Variants in PIK3C2B observed in about 807,000 individuals in gnomAD.
PIK3C2B encodes the protein phosphatidylinositol 4-phosphate 3-kinase C2 domain-containing subunit beta.
Under a neutral mutation model 184.3 loss-of-function variants are expected in PIK3C2B, and 83 were observed. The observed-to-expected ratio is 0.45, with a 90% CI of 0.38 to 0.54. The LOEUF (loss-of-function observed/expected upper bound fraction) is 0.54, where lower values mean the gene tolerates loss of function less well. PIK3C2B is among the 20% of genes least tolerant of loss of function. The pLI is 0.00. For synonymous variants in PIK3C2B, 779 were observed against 837.6 expected (o/e 0.93, Z 1.21); for missense variants, 1,736 against 2,113.5 (o/e 0.82, Z 3.50).
At chr1:204,485,576 C>CTT (rs11407141) in intron 1 of PIK3C2B, among the ~76,000 whole-genome samples, 2,881 of 140,402 alleles carry the variant, frequency 0.021, 42 homozygotes, top group South Asian at 0.03. Context: ...GTCATTCTTC[C>CTT]TTTTTTTTTT....
chr1:204,480,627 T>C (rs1657046351), intron 1 of PIK3C2B, among the ~76,000 whole-genome samples: 1 of 151,402 alleles, frequency 6.6e-6, no homozygotes, highest in African/African-American at 2.4e-5. Flanking sequence ...GTGGGGAGGA[T>C]GGGGGTGACT....
chr1:204,460,717 G>T, intron 5 of PIK3C2B, 56 bp from the exon 6 acceptor site: 1 of 1,037,218 alleles, frequency 9.6e-7, no homozygotes, highest in Non-Finnish European at 1.5e-6. Context: ...TGGCAAGGGA[G>T]ATACATACCT....
At chr1:204,487,224 G>A (rs566793627) in intron 1 of PIK3C2B, among the ~76,000 whole-genome samples, 1 of 152,268 alleles carries the variant, frequency 6.6e-6, no homozygotes, top group East Asian at 1.9e-4. Context: ...TCCCACCTCA[G>A]CCTCTCAAGT....
rs937519580 is a variant in PIK3C2B at position 204,447,663 on chromosome 1, G to C, written c.2347-85C>G. 4 of 950,840 alleles carry C rather than the reference G, an allele frequency of 4.2e-6. No homozygotes were observed. Among genetic ancestry groups the C allele is most frequent in the African/African-American group, 3.2e-5 (2 of 61,958 alleles). 58.9% of individuals were successfully genotyped at this position (950,840 alleles called of 1,614,324 possible). A position where few individuals can be genotyped will look rare whatever the true frequency, so the allele number is the denominator to read the frequency against. On this transcript the variant is annotated intron_variant, in intron 14 of 32. Transcript: ENST00000684373. The surrounding 1 kb of genome is among the most constrained non-coding windows in gnomAD (Gnocchi z 4.1). ...CTTCTTTCTCTCACCCCAGCATTCCGGCCTTGTCCCTCCCTCACTTTCCCT... is the reference window on the plus strand; with the variant it reads ...CTTCTTTCTCTCACCCCAGCATTCCCGCCTTGTCCCTCCCTCACTTTCCCT...
chr1:204,489,444 T>C (rs1218640897), intron 1 of PIK3C2B, among the ~76,000 whole-genome samples: 2 of 151,720 alleles, frequency 1.3e-5, no homozygotes, highest in African/African-American at 2.4e-5. Flanking sequence ...GTGCTGAGAT[T>C]ACAGCATAAG....
Position 204,424,442 on chromosome 1 carries a change from G to A in PIK3C2B, c.*410C>T, listed in dbSNP as rs932205991. 35 of 335,708 alleles carry A rather than the reference G, an allele frequency of 1.0e-4. No individual in the cohort carries two copies. The highest frequency in any genetic ancestry group is 1.7e-4 in the Non-Finnish European group (28 of 168,790). The allele number at this position is 335,708 out of a possible 1,614,324, so 20.8% of individuals were successfully genotyped here. A position where few individuals can be genotyped will look rare whatever the true frequency, so the allele number is the denominator to read the frequency against. ...CTGGGGCATAGGTACGTCCCTTCTC[G>A]CAAGGCTTCCTGTCCCAGTTAGGAC... On this transcript the variant is annotated 3_prime_UTR_variant, in exon 33 of 33. Transcript: ENST00000684373.
chr1:204,468,838 G>A (rs1449184257), intron 2 of PIK3C2B, 32 bp downstream of exon 2: 31 of 1,525,906 alleles, frequency 2.0e-5, no homozygotes, highest in Non-Finnish European at 2.7e-5. Flanking sequence ...CATGGAGAAA[G>A]GAAGGCAGAA....
intron 16 of PIK3C2B, among the ~76,000 whole-genome samples, chr1:204,445,023 A>G (rs1292390014): frequency 6.6e-6 from 1 of 152,228 alleles, no homozygotes; most frequent in Non-Finnish European, 1.5e-5. Flanking sequence ...CAGCCCTAAC[A>G]GATCTAAGAC....
At chr1:204,467,833 C>CAA (rs545904416) in intron 2 of PIK3C2B, among the ~76,000 whole-genome samples, 7 of 88,576 alleles carry the variant, frequency 7.9e-5, no homozygotes, top group South Asian at 8.1e-4. Context: ...GACTCTGTCT[C>CAA]AAAAAAAAAA....
In PIK3C2B at chr1:204,427,737, G is replaced by T; in HGVS notation, c.4498C>A (p.Pro1500Thr). The T allele has an allele frequency of 6.2e-7, 1 of 1,613,582 alleles. No individual in the cohort carries two copies. The highest frequency in any genetic ancestry group is 8.5e-7 in the Non-Finnish European group (1 of 1,179,516). The part of the protein sequence containing the change: ...PKSSDGTWAR[P>T]VGKVGGEVKL... Reference sequence around the variant, plus strand: ...ACCTCCCCTCCCACCTTTCCGACGGGCCGGGCCCATGTGCCATCTGTAGGG... The same window carrying T: ...ACCTCCCCTCCCACCTTTCCGACGGTCCGGGCCCATGTGCCATCTGTAGGG... Residue 1500 changes from proline to threonine, a missense_variant, in exon 31 of 33, where the codon CCC becomes ACC. Pro to Thr is a conservative substitution (Grantham distance 38, BLOSUM62 -1). Transcript: ENST00000684373.
Position 204,424,887 on chromosome 1 carries a change from ACCAGCCGGTCTTCTCCTGAG to A in PIK3C2B, c.4850_4869del (p.Ala1617ValfsTer66). ...CCATGACTTCGAGATCCCAGGGCGAACCAGCCGGTCTTCTCCTGAGCCAGGTCCAGCTCTCGCAGGCGGAT... is the reference window on the plus strand; with the variant it reads ...CCATGACTTCGAGATCCCAGGGCGAACCAGGTCCAGCTCTCGCAGGCGGAT... On this transcript the variant is annotated frameshift_variant, in exon 33 of 33. Transcript: ENST00000684373. LOFTEE classifies it high-confidence loss of function. 1 of 1,613,568 alleles carries A rather than the reference ACCAGCCGGTCTTCTCCTGAG, an allele frequency of 6.2e-7. No homozygotes were observed. The highest frequency in any genetic ancestry group is 8.5e-7 in the Non-Finnish European group (1 of 1,179,886).
intron 20 of PIK3C2B, 36 bp from the exon 21 acceptor site, chr1:204,441,599 TGGCC>T: frequency 6.8e-7 from 1 of 1,477,966 alleles, no homozygotes; most frequent in Non-Finnish European, 9.4e-7. Flanking sequence ...AGGGTCAGAG[TGGCC>T]CATGCCAGGA....
chr1:204,493,296 G>A (rs527840617), intron 1 of PIK3C2B, among the ~76,000 whole-genome samples: 63 of 152,242 alleles, frequency 4.1e-4, no homozygotes, highest in African/African-American at 1.3e-3. Flanking sequence ...CTTGGAGCCC[G>A]GGTAGCCGCC....
chr1:204,446,230 C>T, intron 15 of PIK3C2B, 86 bp from the exon 16 acceptor site: 1 of 911,422 alleles, frequency 1.1e-6, no homozygotes, highest in Non-Finnish European at 1.6e-6. Context: ...GCAGCCCTTA[C>T]CCTCAAGGGA....
intron 12 of PIK3C2B, among the ~76,000 whole-genome samples, chr1:204,453,657 C>A (rs2103494315): frequency 6.6e-6 from 1 of 152,318 alleles, no homozygotes. Context: ...GTCTCCTCTC[C>A]ATAGTCTACA....
chr1:204,478,996 C>G (rs1656925349), intron 1 of PIK3C2B, among the ~76,000 whole-genome samples: 1 of 152,182 alleles, frequency 6.6e-6, no homozygotes, highest in South Asian at 2.1e-4. Context: ...TGCTACATAC[C>G]CTGTAGACTG....
At chr1:204,449,705 G>A (rs1654186384) in intron 13 of PIK3C2B, 145 bp downstream of exon 13, 3 of 728,870 alleles carry the variant, frequency 4.1e-6, no homozygotes, top group South Asian at 2.0e-5. Context: ...CCAGTTCTGT[G>A]CTTGGGGATC....
At chr1:204,456,826 T>C (rs1195914194) in intron 10 of PIK3C2B, among the ~76,000 whole-genome samples, 2 of 148,398 alleles carry the variant, frequency 1.3e-5, no homozygotes, top group Admixed American at 6.8e-5. Context: ...AGAAAACACT[T>C]TGTGGAAAGA....
chr1:204,432,168 G>A, intron 27 of PIK3C2B, 32 bp downstream of exon 27: 1 of 1,593,358 alleles, frequency 6.3e-7, no homozygotes, highest in South Asian at 1.1e-5. Flanking sequence ...GCAGAGAGCA[G>A]GAAAGGGGGT....
Sources: gnomAD v4.1 joint callset for allele counts (sites outside exome capture counted in the v4.1 genomes callset) on GRCh38, gnomAD v4.1.1 for gene constraint, Gnocchi (gnomAD v3.1) non-coding constraint, MANE v1.5 for transcripts, NCBI Gene and HGNC (gene_info 2026-07-23, HGNC 2026-07-21) for gene names.